SAMHD1: variants seen among roughly 807,000 people sequenced by gnomAD.
The protein encoded by SAMHD1 is SAM and HD domain containing deoxynucleoside triphosphate triphosphohydrolase 1, also known as deoxynucleoside triphosphate triphosphohydrolase SAMHD1.
In SAMHD1, 54 loss-of-function variants were observed where a neutral mutation model predicts 79.6. The ratio of observed to expected loss-of-function variants is 0.68; its 90% CI spans 0.55 to 0.85. The LOEUF is 0.85. SAMHD1 is among the 40% of genes least tolerant of loss of function. SAMHD1 has a pLI of 0.00. For synonymous variants in SAMHD1, 260 were observed against 264.1 expected (o/e 0.98, Z 0.15); for missense variants, 663 against 782.7 (o/e 0.85, Z 1.82).
chr20:36,894,113 C>G (rs928842499), intron 15 of SAMHD1: 2 of 396,156 alleles, frequency 5.0e-6, no homozygotes, highest in African/African-American at 4.1e-5. Flanking sequence ...GCTGTTGAAT[C>G]ACTGTCCTCT....
rs1046489922 is a variant in SAMHD1 at position 36,898,805 on chromosome 20, G to A, written c.1504-261C>T. ...CATGCGCCTGTAACCCCAGTTACTC[G>A]GGAGACTGAGGCAGGAGAATTGTTT... On this transcript the variant is annotated intron_variant, in intron 13 of 15. Coordinates refer to ENST00000646673, the MANE Select transcript of SAMHD1 (RefSeq NM_015474.4). Among the ~76,000 whole-genome samples the A allele has an allele frequency of 5.3e-5, 8 of 151,576 alleles. No homozygotes were observed. In the East Asian group the frequency reaches 5.8e-4, roughly 11 times the overall value.
intron 11 of SAMHD1, among the ~76,000 whole-genome samples, chr20:36,908,370 A>G (rs1568764723): frequency 6.6e-6 from 1 of 151,860 alleles, no homozygotes; most frequent in Non-Finnish European, 1.5e-5. Flanking sequence ...CAGCATCCTG[A>G]GTAGCTGGGA....
intron 4 of SAMHD1, among the ~76,000 whole-genome samples, chr20:36,934,190 G>A (rs2063585363): frequency 6.6e-6 from 1 of 151,908 alleles, no homozygotes; most frequent in African/African-American, 2.4e-5. Context: ...AGGTGGTTAA[G>A]AATACATAAA....
At chr20:36,950,333 A>G (rs976307784) in intron 1 of SAMHD1, among the ~76,000 whole-genome samples, 9 of 151,934 alleles carry the variant, frequency 5.9e-5, no homozygotes, top group Admixed American at 6.6e-5. Flanking sequence ...GGGGGAAGAA[A>G]AAAAAAAAAG....
At chr20:36,909,183 A>T (rs1322318311) in intron 11 of SAMHD1, among the ~76,000 whole-genome samples, 1 of 151,986 alleles carries the variant, frequency 6.6e-6, no homozygotes, top group Non-Finnish European at 1.5e-5. Context: ...GATGGTCTCG[A>T]ACTCCTGACC....
intron 7 of SAMHD1, among the ~76,000 whole-genome samples, chr20:36,917,513 T>C (rs867812365): frequency 2.6e-5 from 4 of 152,214 alleles, no homozygotes; most frequent in Middle Eastern, 3.4e-3. Flanking sequence ...TAGTTGGGCA[T>C]GGTAGCAAGT....
At chr20:36,907,168 T>G (rs1392629239) in intron 11 of SAMHD1, among the ~76,000 whole-genome samples, 1 of 151,184 alleles carries the variant, frequency 6.6e-6, no homozygotes, top group East Asian at 2.0e-4. Flanking sequence ...CATAGTTCAC[T>G]GCAGCATCAA....
At chr20:36,912,229 T>C in intron 10 of SAMHD1, 1 of 512,232 alleles carries the variant, frequency 2.0e-6, no homozygotes, top group Non-Finnish European at 3.5e-6. Context: ...TCTTCTTCCC[T>C]TCATCTGCCC....
chr20:36,910,609 A>G (rs1219216554), intron 11 of SAMHD1, among the ~76,000 whole-genome samples: 1 of 151,646 alleles, frequency 6.6e-6, no homozygotes, highest in Admixed American at 6.6e-5. Context: ...GCATGCCTAT[A>G]ATCTCAGCTA....
At chr20:36,930,229 C>T (rs2063560346) in intron 5 of SAMHD1, among the ~76,000 whole-genome samples, 1 of 152,142 alleles carries the variant, frequency 6.6e-6, no homozygotes, top group South Asian at 2.1e-4. Flanking sequence ...GGCACGGTGG[C>T]TCATGCCTGT....
intron 1 of SAMHD1, among the ~76,000 whole-genome samples, chr20:36,947,467 T>C (rs1239076471): frequency 7.6e-6 from 1 of 131,880 alleles, no homozygotes; most frequent in Non-Finnish European, 1.6e-5. Context: ...AATACTCTGA[T>C]TTGGAAGAGG....
intron 2 of SAMHD1, among the ~76,000 whole-genome samples, chr20:36,943,454 G>T (rs1294626451): frequency 6.6e-6 from 1 of 152,088 alleles, no homozygotes; most frequent in Non-Finnish European, 1.5e-5. Context: ...CAGCTCTAAG[G>T]AGTCCTACAG....
intron 11 of SAMHD1, 121 bp downstream of exon 11, chr20:36,911,097 A>T (rs1399762269): frequency 3.1e-6 from 2 of 637,434 alleles, no homozygotes; most frequent in East Asian, 2.9e-5. Flanking sequence ...TTATTTTTTT[A>T]AAATTAAATA....
Position 36,944,077 on chromosome 20 carries a change from C to CAAAAAAAAAA in SAMHD1, c.275+2651_275+2660dup, listed in dbSNP as rs542947370. ...TGAGTGACAGAGCAAGACTCCATCTCAAAAAAAAAAAAAAAAAAAAGAACT... is the reference window on the plus strand; with the variant it reads ...TGAGTGACAGAGCAAGACTCCATCTCAAAAAAAAAAAAAAAAAAAAAAAAAAAAAAGAACT... On this transcript the variant is annotated intron_variant, in intron 2 of 15. Coordinates refer to ENST00000646673, the MANE Select transcript of SAMHD1 (RefSeq NM_015474.4). Among the ~76,000 whole-genome samples the CAAAAAAAAAA allele has an allele frequency of 1.0e-3, 91 of 89,988 alleles. 1 individual carries two copies. The highest frequency in any genetic ancestry group is 3.7e-3 in the African/African-American group (90 of 24,186). 59.0% of individuals were successfully genotyped at this position (89,988 alleles called of 152,430 possible).
At chr20:36,930,142 T>C (rs1003507262) in intron 5 of SAMHD1, among the ~76,000 whole-genome samples, 3 of 145,416 alleles carry the variant, frequency 2.1e-5, no homozygotes, top group Admixed American at 6.8e-5. Flanking sequence ...AATTCACATA[T>C]CATCCTAAAA....
At chr20:36,923,091 C>T (rs187446057) in intron 6 of SAMHD1, among the ~76,000 whole-genome samples, 1 of 152,296 alleles carries the variant, frequency 6.6e-6, no homozygotes, top group Admixed American at 6.5e-5. Context: ...AGCTCCGCCT[C>T]CTGGGTTCAC....
chr20:36,948,590 C>T (rs1274119891), intron 1 of SAMHD1, among the ~76,000 whole-genome samples: 6 of 147,894 alleles, frequency 4.1e-5, no homozygotes, highest in Admixed American at 6.8e-5. Flanking sequence ...TATTGCTGGT[C>T]GGGCGTGGTG....
chr20:36,897,993 G>C (rs1360630820), intron 14 of SAMHD1, 34 bp from the exon 15 acceptor site: 3 of 1,613,108 alleles, frequency 1.9e-6, no homozygotes, highest in Non-Finnish European at 2.5e-6. Context: ...CTATCACCTT[G>C]AAGTCACACA....
At chr20:36,911,434 T>C in intron 10 of SAMHD1, 101 bp from the exon 11 acceptor site, 1 of 755,572 alleles carries the variant, frequency 1.3e-6, no homozygotes, top group Non-Finnish European at 2.3e-6. Context: ...AACAAAATAA[T>C]GAGGCACAGT....
Sources: gnomAD v4.1 joint callset for allele counts (sites outside exome capture counted in the v4.1 genomes callset) on GRCh38, gnomAD v4.1.1 for gene constraint, MANE v1.5 for transcripts, NCBI Gene and HGNC (gene_info 2026-07-23, HGNC 2026-07-21) for gene names.